Variants in RRM2B observed in about 807,000 individuals in gnomAD.
RRM2B encodes ribonucleotide reductase regulatory TP53 inducible subunit M2B.
RRM2B carries 20 observed loss-of-function variants against 45.9 expected under a neutral mutation model. The ratio of observed to expected loss-of-function variants is 0.44; its 90% CI spans 0.31 to 0.63. The LOEUF is 0.63. RRM2B is among the 30% of genes least tolerant of loss of function. The pLI is 0.09. For synonymous variants in RRM2B, 124 were observed against 132.3 expected, an observed-to-expected ratio of 0.94 and a Z score of 0.43; for missense variants, 320 against 414.7, an observed-to-expected ratio of 0.77 and a Z score of 1.98.
chr8:102,229,578 T>C (rs73283346), intron 2 of RRM2B, among the ~76,000 whole-genome samples: 6,969 of 135,014 alleles, frequency 0.052, 496 homozygotes, highest in African/African-American at 0.18. Flanking sequence ...CATTCATATA[T>C]ATTATAACCC....
At chr8:102,219,219 A>G (rs772430549) in intron 5 of RRM2B, among the ~76,000 whole-genome samples, 5 of 152,218 alleles carry the variant, frequency 3.3e-5, no homozygotes, top group Non-Finnish European at 7.3e-5. Context: ...TCAAAACAAG[A>G]GGTGATTTAC....
intron 6 of RRM2B, among the ~76,000 whole-genome samples, chr8:102,218,358 A>G (rs539912064): frequency 6.6e-6 from 1 of 152,212 alleles, no homozygotes; most frequent in Non-Finnish European, 1.5e-5. Flanking sequence ...CTTAAAAGCA[A>G]GATGACGTGA....
chr8:102,238,762 G>C (rs750112241), intron 1 of RRM2B, 65 bp downstream of exon 1: 1 of 1,612,622 alleles, frequency 6.2e-7, no homozygotes, highest in South Asian at 1.1e-5. Context: ...CAGCGGTCCT[G>C]CAACTTGCAA....
intron 1 of RRM2B, among the ~76,000 whole-genome samples, chr8:102,237,663 G>A (rs1811144225): frequency 6.6e-6 from 1 of 152,206 alleles, no homozygotes; most frequent in African/African-American, 2.4e-5. Context: ...TAAATAAAAT[G>A]TAATATCCAG....
chr8:102,236,858 C>T (rs1811130255), intron 1 of RRM2B, among the ~76,000 whole-genome samples: 1 of 152,138 alleles, frequency 6.6e-6, no homozygotes, highest in Admixed American at 6.5e-5. Flanking sequence ...CTGGGCATGT[C>T]AGGACAACAA....
chr8:102,223,964 T>G (rs1467131604), intron 5 of RRM2B, 82 bp downstream of exon 5: 1 of 962,270 alleles, frequency 1.0e-6, no homozygotes, highest in East Asian at 2.4e-5. Flanking sequence ...TAACTTTGAT[T>G]CGTACTGGAT....
chr8:102,220,090 T>C (rs1343853135), intron 5 of RRM2B, among the ~76,000 whole-genome samples: 3 of 152,058 alleles, frequency 2.0e-5, no homozygotes, highest in African/African-American at 7.2e-5. Flanking sequence ...AATTTAAAAA[T>C]TAGCTGGGTG....
rs1810684108 is a variant in RRM2B, at chr8:102,214,124, T to G, written c.719A>C (p.Gln240Pro). The change falls in exon 7 of 9, where the codon CAA becomes CCA. Residue 240 changes from glutamine to proline, a missense_variant. This residue lies in a region of RRM2B where 225 missense variants were observed against 289.4 expected (regional missense o/e 0.78). Coordinates refer to ENST00000251810, the MANE Select transcript of RRM2B (RefSeq NM_015713.5). ...TTCTGAAGGCTTATTTACTAAGTAT[T>G]GGAACATCAGGCAAGCAAAGTCACA... ...LHCDFACLMF[Q>P]YLVNKPSEER... 1.2e-6 allele frequency: 2 copies of G among 1,613,604 alleles called. No homozygotes were observed. The highest frequency in any genetic ancestry group is 1.7e-6 in the Non-Finnish European group (2 of 1,179,700).
At chr8:102,223,423 T>C (rs1042617891) in intron 5 of RRM2B, among the ~76,000 whole-genome samples, 12 of 152,212 alleles carry the variant, frequency 7.9e-5, no homozygotes, top group Admixed American at 3.9e-4. Context: ...CCAGGCACAG[T>C]GGCTCATGCC....
chr8:102,236,752 G>A (rs1453259672), intron 1 of RRM2B, among the ~76,000 whole-genome samples: 1 of 152,242 alleles, frequency 6.6e-6, no homozygotes, highest in South Asian at 2.1e-4. Context: ...AAGTTTAGCA[G>A]TAGGCATTCC....
intron 8 of RRM2B, among the ~76,000 whole-genome samples, chr8:102,210,329 G>C (rs760371983): frequency 6.6e-6 from 1 of 152,066 alleles, no homozygotes; most frequent in East Asian, 1.9e-4. Context: ...ACAGTGAAAG[G>C]GCACTGAACC....
intron 3 of RRM2B, among the ~76,000 whole-genome samples, chr8:102,225,329 G>C (rs1262904739): frequency 1.3e-5 from 2 of 149,574 alleles, no homozygotes; most frequent in Non-Finnish European, 3.0e-5. Context: ...TGCCTCCCAG[G>C]TTCAAGAAAT....
rs1386319201 is a variant in RRM2B, at chr8:102,206,508, C to A, written c.*1625G>T. On this transcript the variant is annotated 3_prime_UTR_variant, in exon 9 of 9. Transcript: ENST00000251810. ...TGCTCCTTTTGCATTCACTTGAGAA[C>A]TCCCAGTTTTGATTAGATTGTTATG... The A allele has an allele frequency of 1.3e-5, 2 of 152,152 alleles. No individual in the cohort carries two copies. Among genetic ancestry groups the A allele is most frequent in the African/African-American group, 4.8e-5 (2 of 41,432 alleles). The allele number at this position is 152,152 out of a possible 1,614,324, so 9.4% of individuals were successfully genotyped here.
At chr8:102,231,039 C>G (rs529018516) in intron 2 of RRM2B, among the ~76,000 whole-genome samples, 1 of 152,270 alleles carries the variant, frequency 6.6e-6, no homozygotes, top group South Asian at 2.1e-4. Flanking sequence ...AAAATAGATT[C>G]AAATCTATCT....
chr8:102,215,109 G>A (rs1587171043), intron 6 of RRM2B, among the ~76,000 whole-genome samples: 1 of 149,650 alleles, frequency 6.7e-6, no homozygotes, highest in Non-Finnish European at 1.5e-5. Context: ...AGAGAGGTCG[G>A]ATATAGAAAG....
chr8:102,215,413 A>G (rs963593350), intron 6 of RRM2B, among the ~76,000 whole-genome samples: 2 of 151,898 alleles, frequency 1.3e-5, no homozygotes, highest in African/African-American at 2.4e-5. Flanking sequence ...TTCAAAAAAA[A>G]AAAAGGAAGA....
rs533240083 is a variant in RRM2B at position 102,207,392 on chromosome 8, T to G, written c.*741A>C. On this transcript the variant is annotated 3_prime_UTR_variant, in exon 9 of 9. Transcript: ENST00000251810. ...GTTTTTAATTTCTGAAGAAGAATCA[T>G]TTTTCTTATAAGGTCAACTACCATG... 6.6e-6 allele frequency: 1 copy of G among 152,332 alleles called. No homozygotes were observed. The highest frequency in any genetic ancestry group is 6.5e-5 in the Admixed American group (1 of 15,310). 9.4% of individuals were successfully genotyped at this position (152,332 alleles called of 1,614,324 possible).
intron 1 of RRM2B, among the ~76,000 whole-genome samples, chr8:102,235,346 T>C (rs1368875198): frequency 1.3e-5 from 2 of 152,184 alleles, no homozygotes; most frequent in Admixed American, 1.3e-4. Context: ...CCAGCTCCAG[T>C]AACTGGGTGA....
rs73283330 is a variant in RRM2B at position 102,208,533 on chromosome 8, A to C, written c.904-248T>G. 0.017 allele frequency among the ~76,000 whole-genome samples: 2,627 copies of C among 152,266 alleles called. 69 individuals carry two copies. Among genetic ancestry groups the C allele is most frequent in the African/African-American group, 0.057 (2,380 of 41,552 alleles). On this transcript the variant is annotated intron_variant, in intron 8 of 8. Transcript: ENST00000251810. Reference sequence around the variant, plus strand: ...GGTATTCTAATAAATAGAAAAAAAAACACAACTATTTCAGGAATTGAAATA... The same window carrying C: ...GGTATTCTAATAAATAGAAAAAAAACCACAACTATTTCAGGAATTGAAATA...
Sources: allele counts gnomAD v4.1 joint callset (sites outside exome capture counted in the v4.1 genomes callset), GRCh38; gene constraint gnomAD v4.1.1; regional missense constraint gnomAD v4.1.1; transcripts MANE v1.5; gene names NCBI Gene and HGNC (gene_info 2026-07-23, HGNC 2026-07-21).